Variants in COL15A1 observed in about 807,000 individuals in gnomAD.
COL15A1 encodes collagen alpha-1(XV) chain.
In COL15A1, 111 loss-of-function variants were observed where a neutral mutation model predicts 165.9. The ratio of observed to expected loss-of-function variants is 0.67; its 90% CI spans 0.57 to 0.78. The LOEUF is 0.78. COL15A1 is among the 30% of genes least tolerant of loss of function. The probability of loss-of-function intolerance (pLI) is 0.00; values close to 1 mark genes in which losing one functional copy is unlikely to be tolerated. For missense variants in COL15A1, 1,745 were observed against 1,789.7 expected, an observed-to-expected ratio of 0.98 and a Z score of 0.45; for synonymous variants, 659 against 674.8, an observed-to-expected ratio of 0.98 and a Z score of 0.36.
chr9:98,985,797 T>G lies in COL15A1; in HGVS notation c.333T>G (p.Thr111=). The G allele has an allele frequency of 6.2e-7, 1 of 1,614,072 alleles. No homozygotes were observed. The highest frequency in any genetic ancestry group is 8.5e-7 in the Non-Finnish European group (1 of 1,180,042). Residue 111 remains threonine, a synonymous_variant, in exon 3 of 42, where the codon ACT becomes ACG. Transcript: ENST00000375001. ...STRGGVLFAI[T]DAFQKVIYLG... Reference sequence around the variant, plus strand: ...GTGGTGGCGTGCTCTTCGCCATCACTGACGCCTTCCAGAAGGTCATCTACC... The same window carrying G: ...GTGGTGGCGTGCTCTTCGCCATCACGGACGCCTTCCAGAAGGTCATCTACC...
At chr9:98,989,312 G>T in intron 5 of COL15A1, 54 bp downstream of exon 5, 8 of 1,428,110 alleles carry the variant, frequency 5.6e-6, no homozygotes, top group Non-Finnish European at 7.8e-6. Flanking sequence ...AGCAGGCTGA[G>T]AATTACTAGA....
intron 16 of COL15A1, 79 bp from the exon 17 acceptor site, chr9:99,034,461 TTGGAGTCCA>T: frequency 6.6e-7 from 1 of 1,504,898 alleles, no homozygotes; most frequent in Non-Finnish European, 8.9e-7. Context: ...TCCTATTTCC[TTGGAGTCCA>T]TAATTGTGCA....
chr9:98,982,617 CGAT>C (rs142566035), intron 2 of COL15A1, among the ~76,000 whole-genome samples: 7 of 150,554 alleles, frequency 4.6e-5, no homozygotes, highest in African/African-American at 1.2e-4. Flanking sequence ...ACAGTGATGA[CGAT>C]GATGATGATG....
In COL15A1 at chr9:99,024,277, G is replaced by GTTTTTT. The variant is rs773196929; in HGVS notation, c.1855-595_1855-590dup. Among the ~76,000 whole-genome samples the GTTTTTT allele has an allele frequency of 3.6e-4, 39 of 108,626 alleles. 2 individuals carry two copies. Among genetic ancestry groups the GTTTTTT allele is most frequent in the African/African-American group, 9.6e-4 (26 of 27,062 alleles). The allele number at this position is 108,626 out of a possible 152,430, so 71.3% of individuals were successfully genotyped here. On this transcript the variant is annotated intron_variant, in intron 14 of 41. Transcript: ENST00000375001. ...GGCTACACCACAAGCAGTTTTTTTT[G>GTTTTTT]TTTTTTTGTTTTTTTTTTTTTGAGA...
chr9:99,035,423 G>A lies in COL15A1; in HGVS notation c.2289+5G>A, dbSNP rs185562847. 1 of 1,614,140 alleles carries A rather than the reference G, an allele frequency of 6.2e-7. No individual in the cohort carries two copies. Reference sequence around the variant, plus strand: ...TCCAGACCAACGGCTGCAATTGTAGGTCGCCTCTGAAACCTTCATTATGAG... The same window carrying A: ...TCCAGACCAACGGCTGCAATTGTAGATCGCCTCTGAAACCTTCATTATGAG... On this transcript the variant is annotated splice_donor_5th_base_variant and intron_variant, in intron 19 of 41. Coordinates refer to ENST00000375001, the MANE Select transcript of COL15A1 (RefSeq NM_001855.5).
At chr9:98,963,090 C>T (rs760695757) in intron 2 of COL15A1, among the ~76,000 whole-genome samples, 21 of 152,230 alleles carry the variant, frequency 1.4e-4, no homozygotes, top group Non-Finnish European at 2.1e-4. Flanking sequence ...CATGCATATG[C>T]ATGTGGGAGG....
chr9:99,061,837 C>T, intron 36 of COL15A1, 134 bp from the exon 37 acceptor site: 1 of 872,080 alleles, frequency 1.1e-6, no homozygotes, highest in Non-Finnish European at 1.8e-6. Context: ...ATACCTCTAT[C>T]TGGCACATTA....
At chr9:99,064,880 T>C (rs1377147658) in intron 39 of COL15A1, among the ~76,000 whole-genome samples, 2 of 152,238 alleles carry the variant, frequency 1.3e-5, no homozygotes, top group Non-Finnish European at 2.9e-5. Context: ...AAAGGATTTT[T>C]TAAATGGTAT....
intron 5 of COL15A1, among the ~76,000 whole-genome samples, chr9:98,993,908 C>G (rs1356805841): frequency 6.6e-6 from 1 of 152,178 alleles, no homozygotes; most frequent in Non-Finnish European, 1.5e-5. Context: ...AGACATGAGC[C>G]GTCGCCAGTG....
intron 6 of COL15A1, among the ~76,000 whole-genome samples, chr9:98,997,534 G>C (rs777847082): frequency 1.5e-4 from 23 of 152,212 alleles, no homozygotes; most frequent in Non-Finnish European, 2.5e-4. Context: ...ACACTTGGAA[G>C]AGCTAAGTCC....
intron 21 of COL15A1, among the ~76,000 whole-genome samples, chr9:99,036,967 G>A (rs369869717): frequency 3.9e-5 from 6 of 152,342 alleles, no homozygotes; most frequent in South Asian, 4.1e-4. Context: ...ACCTCACCAC[G>A]GAGGGGGTAC....
chr9:98,959,727 C>T (rs1448378839), intron 2 of COL15A1, among the ~76,000 whole-genome samples: 1 of 152,232 alleles, frequency 6.6e-6, no homozygotes, highest in African/African-American at 2.4e-5. Flanking sequence ...AGCTCCCTGG[C>T]CAGCAGGATC....
chr9:98,961,014 G>A (rs559080754), intron 2 of COL15A1, among the ~76,000 whole-genome samples: 3 of 152,328 alleles, frequency 2.0e-5, no homozygotes, highest in African/African-American at 7.2e-5. Flanking sequence ...AATCTGATGT[G>A]GGGAAAGTGA....
At chr9:99,026,461 C>A (rs1839126537) in intron 16 of COL15A1, among the ~76,000 whole-genome samples, 1 of 152,228 alleles carries the variant, frequency 6.6e-6, no homozygotes, top group Non-Finnish European at 1.5e-5. Context: ...AGCCCCTGCC[C>A]TGGCTACTGA....
At chr9:99,038,176 T>C (rs1168848420) in intron 21 of COL15A1, among the ~76,000 whole-genome samples, 1 of 152,112 alleles carries the variant, frequency 6.6e-6, no homozygotes, top group Non-Finnish European at 1.5e-5. Context: ...GGTAATCTCA[T>C]GTGCTTCTGG....
chr9:98,963,457 G>C (rs549554100), intron 2 of COL15A1, among the ~76,000 whole-genome samples: 1 of 152,276 alleles, frequency 6.6e-6, no homozygotes, highest in South Asian at 2.1e-4. Flanking sequence ...CTCCCAACAG[G>C]TTCCTTGTTC....
chr9:98,949,151 A>G (rs530883173), intron 2 of COL15A1, among the ~76,000 whole-genome samples: 2 of 152,306 alleles, frequency 1.3e-5, no homozygotes, highest in African/African-American at 4.8e-5. Context: ...TGCAGAATCT[A>G]TTCTTTCATG....
intron 26 of COL15A1, among the ~76,000 whole-genome samples, chr9:99,046,027 G>C (rs940740892): frequency 1.2e-4 from 19 of 152,232 alleles, no homozygotes; most frequent in Admixed American, 1.1e-3. Flanking sequence ...AGCTAAGACA[G>C]ACTGAGAGAT....
rs146647282 is a variant in COL15A1 at position 99,040,529 on chromosome 9, C to T, written c.2484C>T (p.Asp828=). ...IPELVGPPGP[D]GLPGLPGFPG... ...TCTTTGGTGTGTCACAGGGGCCGGA[C>T]GGGTTGCCTGGGCTGCCAGGATTTC... The change falls in exon 23 of 42, where the codon GAC becomes GAT. Residue 828 remains aspartate (D), a synonymous_variant. Transcript: ENST00000375001. The T allele has an allele frequency of 7.7e-4, 1,238 of 1,614,040 alleles. 1 individual carries two copies. The highest frequency in any genetic ancestry group is 9.2e-4 in the Non-Finnish European group (1,090 of 1,180,042).
Sources: allele counts gnomAD v4.1 joint callset (sites outside exome capture counted in the v4.1 genomes callset), GRCh38; gene constraint gnomAD v4.1.1; transcripts MANE v1.5; gene names NCBI Gene and HGNC (gene_info 2026-07-23, HGNC 2026-07-21).